The following THBS4 variants were observed in gnomAD, a reference collection of about 807,000 sequenced individuals.
The protein encoded by THBS4 is thrombospondin-4.
In THBS4, 90 loss-of-function variants were observed where a neutral mutation model predicts 115.7. The ratio of observed to expected loss-of-function variants is 0.78; its 90% CI spans 0.66 to 0.93. The LOEUF (loss-of-function observed/expected upper bound fraction) is 0.93. Ranked by LOEUF, THBS4 falls within the 40% of genes least tolerant of loss-of-function variation. The probability of loss-of-function intolerance (pLI) is 0.00; values close to 1 mark genes in which losing one functional copy is unlikely to be tolerated. For synonymous variants in THBS4, 460 were observed against 479.3 expected (o/e 0.96, Z 0.53); for missense variants, 1,087 against 1,232.7 (o/e 0.88, Z 1.77).
intron 2 of THBS4, among the ~76,000 whole-genome samples, chr5:80,018,289 C>T (rs1175624978): frequency 1.3e-5 from 2 of 151,268 alleles, no homozygotes; most frequent in East Asian, 3.9e-4. Flanking sequence ...TTATCTTATA[C>T]TTCACTAGTT....
chr5:80,054,085 C>CA (rs1833339640), intron 2 of THBS4, among the ~76,000 whole-genome samples: 1 of 151,264 alleles, frequency 6.6e-6, no homozygotes, highest in South Asian at 2.1e-4. Flanking sequence ...CAAAACAAAA[C>CA]AAAACAAAAA....
At chr5:80,030,624 C>T (rs1832567255), upstream of THBS4, among the ~76,000 whole-genome samples, 1 of 152,162 alleles carries the variant, frequency 6.6e-6, no homozygotes, top group Non-Finnish European at 1.5e-5. Context: ...GCCTCGGCCT[C>T]CCAAAGTGCT....
intron 15 of THBS4, 95 bp from the exon 16 acceptor site, chr5:80,076,760 A>G (rs1270078353): frequency 7.7e-7 from 1 of 1,296,336 alleles, no homozygotes; most frequent in Non-Finnish European, 1.0e-6. Context: ...CCCTGGTTTA[A>G]AAAAAACCTC....
intron 2 of THBS4, among the ~76,000 whole-genome samples, chr5:80,024,927 C>G (rs180936983): frequency 1.1e-3 from 166 of 152,274 alleles, no homozygotes; most frequent in African/African-American, 3.9e-3. Flanking sequence ...GACCTCAGTT[C>G]GAGTCCACTT....
At chr5:80,020,141 T>C (rs1457661819) in intron 2 of THBS4, among the ~76,000 whole-genome samples, 1 of 152,190 alleles carries the variant, frequency 6.6e-6, no homozygotes, top group African/African-American at 2.4e-5. Flanking sequence ...TGAACGTAAA[T>C]GAAGGGTCCC....
Position 80,078,240 on chromosome 5 carries a change from T to C in THBS4, c.2265+13T>C. 1 of 1,558,882 alleles carries C rather than the reference T, an allele frequency of 6.4e-7. No homozygotes were observed. The highest frequency in any genetic ancestry group is 8.7e-7 in the Non-Finnish European group (1 of 1,143,448). On this transcript the variant is annotated intron_variant, in intron 17 of 21. Transcript: ENST00000350881. ...GGTCCTGAACCAGGTGAGTGTCACA[T>C]GGGCGGCAATGGCTCAGCCTTGCCT...
intron 5 of THBS4, 84 bp from the exon 6 acceptor site, chr5:80,059,356 A>T: frequency 7.6e-7 from 1 of 1,320,150 alleles, no homozygotes; most frequent in Non-Finnish European, 1.1e-6. Context: ...AGTGTTACAT[A>T]GATAGCTCCA....
intron 1 of THBS4, among the ~76,000 whole-genome samples, chr5:79,997,559 A>ATT (rs891471143): frequency 1.3e-5 from 1 of 76,112 alleles, no homozygotes; most frequent in African/African-American, 7.2e-5. Flanking sequence ...AATTTTAACT[A>ATT]TAACATAAGC....
intron 2 of THBS4, among the ~76,000 whole-genome samples, chr5:80,030,051 T>TA (rs140508510): frequency 0.24 from 36,006 of 152,104 alleles, 4,710 homozygotes; most frequent in African/African-American, 0.35. Flanking sequence ...TTATCTGTGC[T>TA]AAGTAGTTTT....
rs763895397 is a variant in THBS4, at chr5:80,058,227, CTGG to C, written c.568_570del (p.Val190del). On this transcript the variant is annotated inframe_deletion, in exon 4 of 22. Coordinates refer to ENST00000350881, the MANE Select transcript of THBS4 (RefSeq NM_003248.6). The stretch of plus-strand genomic sequence containing the variant: ...CCAGGACTTCTTGGAAGAGCTGAAG[CTGG>C]TGGTGAGAGGCTCACTGTTCCAGGT... 1.7e-4 allele frequency: 276 copies of C among 1,577,214 alleles called. No individual in the cohort carries two copies. Among genetic ancestry groups the C allele is most frequent in the Admixed American group, 2.7e-4 (15 of 55,478 alleles).
chr5:80,035,364 G>C lies in THBS4; in HGVS notation c.-174G>C, dbSNP rs1340978391. The C allele has an allele frequency of 1.4e-5, 3 of 214,420 alleles. No individual in the cohort carries two copies. Among genetic ancestry groups the C allele is most frequent in the African/African-American group, 7.0e-5 (3 of 42,568 alleles). The allele number at this position is 214,420 out of a possible 1,614,324, so 13.3% of individuals were successfully genotyped here. ...GCGGAGCCCAGCAGCCAGCTCCCCA[G>C]CACCGCACGGCGGGGACGCGAGCGC... On this transcript the variant is annotated 5_prime_UTR_variant, in exon 1 of 22. Coordinates refer to ENST00000350881, the MANE Select transcript of THBS4 (RefSeq NM_003248.6). The surrounding 1 kb of genome is among the most constrained non-coding windows in gnomAD (Gnocchi z 4.6).
chr5:80,014,832 G>A (rs114251613), intron 2 of THBS4, among the ~76,000 whole-genome samples: 287 of 152,292 alleles, frequency 1.9e-3, no homozygotes, highest in African/African-American at 6.4e-3. Flanking sequence ...AAAGAGCACC[G>A]GACCAGCAGT....
chr5:80,082,631 C>CT, intron 21 of THBS4, 86 bp downstream of exon 21: 1 of 1,536,948 alleles, frequency 6.5e-7, no homozygotes, highest in Non-Finnish European at 8.9e-7. Context: ...ACTTCCCCCC[C>CT]AAAAGCCCAA....
intron 2 of THBS4, among the ~76,000 whole-genome samples, chr5:80,004,898 C>T (rs958990400): frequency 2.6e-5 from 4 of 151,966 alleles, no homozygotes; most frequent in East Asian, 3.9e-4. Flanking sequence ...CCACCACACC[C>T]GGCTAATTTT....
rs566005910 is a variant in THBS4 at position 79,996,209 on chromosome 5, G to A, written n.82-2123G>A. ...TTAATAAAAAGTAAATGGGAGCATT[G>A]CTGACAGTCGTAAAGGTCAAATGTA... On this transcript the variant is annotated intron_variant and non_coding_transcript_variant, in intron 1 of 3. Transcript: ENST00000510218. 9.6e-4 allele frequency among the ~76,000 whole-genome samples: 146 copies of A among 152,216 alleles called. 1 individual carries two copies. The highest frequency in any genetic ancestry group is 3.5e-3 in the African/African-American group (145 of 41,544).
At position 80,079,974 on chromosome 5, in the gene THBS4, G is replaced by C. The variant is rs148903107; in HGVS notation, c.2581G>C (p.Asp861His). ...NSLWHTGDTSDQVRLLWKDSR... is the reference protein window; with the variant it reads ...NSLWHTGDTSHQVRLLWKDSR... ...CCTGTGGCACACGGGGGACACCAGT[G>C]ACCAGGTCAGGCTGCTGTGGAAGGA... Residue 861 changes from aspartate (D) to histidine (H), a missense_variant, in exon 20 of 22, where the codon GAC becomes CAC. Around this residue, in one of 3 missense-constraint regions of THBS4, gnomAD observed 5 missense variants for 20.8 expected, o/e 0.24. Coordinates refer to ENST00000350881, the MANE Select transcript of THBS4 (RefSeq NM_003248.6). The C allele has an allele frequency of 6.2e-7, 1 of 1,613,962 alleles. No homozygotes were observed. The highest frequency in any genetic ancestry group is 1.3e-5 in the African/African-American group (1 of 74,886).
chr5:80,060,399 G>A (rs1833591669), intron 7 of THBS4, among the ~76,000 whole-genome samples: 1 of 152,138 alleles, frequency 6.6e-6, no homozygotes, highest in Non-Finnish European at 1.5e-5. Context: ...GGCCCCAGAG[G>A]AGGCACATCC....
chr5:80,046,417 A>T (rs1288769013), intron 2 of THBS4, among the ~76,000 whole-genome samples: 1 of 152,242 alleles, frequency 6.6e-6, no homozygotes, highest in Non-Finnish European at 1.5e-5. Context: ...AAAAGACAGG[A>T]CAGGCAAATG....
At chr5:80,025,574 G>A (rs1832459729) in intron 2 of THBS4, among the ~76,000 whole-genome samples, 1 of 152,184 alleles carries the variant, frequency 6.6e-6, no homozygotes, top group African/African-American at 2.4e-5. Flanking sequence ...TTACTTTGCA[G>A]GGAGTGGTCA....
Sources: gnomAD v4.1 joint callset for allele counts (sites outside exome capture counted in the v4.1 genomes callset) on GRCh38, gnomAD v4.1.1 for gene constraint, gnomAD v4.1.1 regional missense constraint, Gnocchi (gnomAD v3.1) non-coding constraint, MANE v1.5 for transcripts, NCBI Gene and HGNC (gene_info 2026-07-23, HGNC 2026-07-21) for gene names.